DNAJC18: variants seen among roughly 807,000 people sequenced by gnomAD.
The protein encoded by DNAJC18 is dnaJ homolog subfamily C member 18.
A neutral mutation model predicts 48.6 loss-of-function variants in DNAJC18; 40 were observed. The observed-to-expected ratio is 0.82, with a 90% CI of 0.64 to 1.07. The LOEUF is 1.07. DNAJC18 is among the 50% of genes least tolerant of loss of function. The probability of loss-of-function intolerance (pLI) is 0.00; values close to 1 mark genes in which losing one functional copy is unlikely to be tolerated. For missense variants in DNAJC18, 340 were observed against 427.7 expected (o/e 0.79, Z 1.81); for synonymous variants, 135 against 152.2 (o/e 0.89, Z 0.83).
chr5:139,439,441 G>A lies in DNAJC18; in HGVS notation c.5C>T (p.Ala2Val), dbSNP rs748015960. 1 of 1,613,970 alleles carries A rather than the reference G, an allele frequency of 6.2e-7. No homozygotes were observed. Among genetic ancestry groups the A allele is most frequent in the South Asian group, 1.1e-5 (1 of 91,078 alleles). ...GCGCTCCCCGCTGCCCAGAGTCGCC[G>A]CCATATCGGTTCCCAATCAGCAGGT... MAATLGSGERWT... is the reference protein window; with the variant it reads MVATLGSGERWT... The change falls in exon 1 of 8, where the codon GCG becomes GTG. Residue 2 changes from alanine (A) to valine (V), a missense_variant. Coordinates refer to ENST00000302060, the MANE Select transcript of DNAJC18 (RefSeq NM_152686.4). This position sits in a 1 kb window ranked among gnomAD's most constrained non-coding sequence, Gnocchi z 4.1.
intron 2 of DNAJC18, among the ~76,000 whole-genome samples, chr5:139,430,815 C>T (rs1759319656): frequency 1.3e-5 from 2 of 152,182 alleles, no homozygotes; most frequent in South Asian, 4.1e-4. Context: ...AAGTGATCCA[C>T]CTGCCTTGGC....
chr5:139,438,942 A>T (rs555057639), intron 1 of DNAJC18, among the ~76,000 whole-genome samples: 1 of 152,302 alleles, frequency 6.6e-6, no homozygotes, highest in Admixed American at 6.5e-5. Flanking sequence ...GGCGGGGCAC[A>T]CAATAGGTAT....
rs914415737 is a variant in DNAJC18, at chr5:139,439,206, C to T, written c.40+200G>A. Among the ~76,000 whole-genome samples the T allele has an allele frequency of 2.0e-5, 3 of 151,922 alleles. No individual in the cohort carries two copies. Among genetic ancestry groups the T allele is most frequent in the African/African-American group, 4.8e-5 (2 of 41,364 alleles). Reference sequence around the variant, plus strand: ...GGGCTGGGGGCCGGAGGCAACAAGTCGTCACCGGTGACTCTGGGCTCGCGG... The same window carrying T: ...GGGCTGGGGGCCGGAGGCAACAAGTTGTCACCGGTGACTCTGGGCTCGCGG... On this transcript the variant is annotated intron_variant, in intron 1 of 7. Transcript: ENST00000302060. This position sits in a 1 kb window ranked among gnomAD's most constrained non-coding sequence, Gnocchi z 4.1.
At chr5:139,436,846 C>T (rs563028132) in intron 2 of DNAJC18, among the ~76,000 whole-genome samples, 4 of 152,024 alleles carry the variant, frequency 2.6e-5, no homozygotes, top group Admixed American at 6.6e-5. Flanking sequence ...CATTTTAGTA[C>T]GTCGTGTTTT....
At chr5:139,437,613 G>GCAACCTGC in intron 1 of DNAJC18, 55 bp from the exon 2 acceptor site, 2 of 1,554,280 alleles carry the variant, frequency 1.3e-6, no homozygotes, top group South Asian at 2.5e-5. Flanking sequence ...AATCAACTTT[G>GCAACCTGC]CAACCTGCCT....
intron 7 of DNAJC18, chr5:139,419,020 G>A (rs1759109922): frequency 2.4e-6 from 1 of 412,338 alleles, no homozygotes; most frequent in South Asian, 1.8e-5. Flanking sequence ...GGGAGTGTGT[G>A]ATGGTCAATG....
chr5:139,413,928 T>G lies in DNAJC18; in HGVS notation c.*220A>C, dbSNP rs770617304. 1.8e-5 allele frequency: 10 copies of G among 556,220 alleles called. No individual in the cohort carries two copies. Among genetic ancestry groups the G allele is most frequent in the Non-Finnish European group, 3.0e-5 (10 of 330,418 alleles). The allele number at this position is 556,220 out of a possible 1,614,324, so 34.5% of individuals were successfully genotyped here. ...TCCAATGCCTTGCCATTAATTTAAC[T>G]TAGATGAACTACTCCTGGTCCCTGG... On this transcript the variant is annotated 3_prime_UTR_variant, in exon 8 of 8. Coordinates refer to ENST00000302060, the MANE Select transcript of DNAJC18 (RefSeq NM_152686.4).
chr5:139,435,355 A>G (rs1049675801), intron 2 of DNAJC18, among the ~76,000 whole-genome samples: 14 of 152,070 alleles, frequency 9.2e-5, no homozygotes, highest in Admixed American at 6.6e-5. Context: ...TCCGTCTCAA[A>G]AAAAAAAGAG....
intron 1 of DNAJC18, 41 bp from the exon 2 acceptor site, chr5:139,437,599 T>A: frequency 1.3e-6 from 2 of 1,564,784 alleles, no homozygotes; most frequent in South Asian, 2.4e-5. Flanking sequence ...CATCTGACCC[T>A]GAAAATCAAC....
chr5:139,429,416 T>C (rs1319639912), intron 2 of DNAJC18, among the ~76,000 whole-genome samples: 1 of 152,104 alleles, frequency 6.6e-6, no homozygotes, highest in African/African-American at 2.4e-5. Context: ...ATACACATGA[T>C]AGAAGAAAAA....
chr5:139,423,813 A>G (rs1759193202), intron 5 of DNAJC18, among the ~76,000 whole-genome samples: 1 of 152,250 alleles, frequency 6.6e-6, no homozygotes, highest in East Asian at 1.9e-4. Flanking sequence ...GATAAGGGAT[A>G]CTCAATCTAT....
intron 2 of DNAJC18, among the ~76,000 whole-genome samples, chr5:139,430,728 C>G (rs889153534): frequency 6.6e-6 from 1 of 151,932 alleles, no homozygotes; most frequent in South Asian, 2.1e-4. Context: ...CATCACCACA[C>G]CCAGCTAGTT....
chr5:139,427,547 GTAA>G (rs1208550728), intron 3 of DNAJC18, among the ~76,000 whole-genome samples: 3 of 152,038 alleles, frequency 2.0e-5, no homozygotes, highest in African/African-American at 7.2e-5. Flanking sequence ...CATATGTATT[GTAA>G]TAATTATACA....
At position 139,439,180 on chromosome 5, in the gene DNAJC18, G is replaced by A. The variant is rs1750741009; in HGVS notation, c.40+226C>T. ...CCCTGGGCGGGGCACGGGCGGGGGC[G>A]GGGCTGGGGGCCGGAGGCAACAAGT... On this transcript the variant is annotated intron_variant, in intron 1 of 7. Transcript: ENST00000302060. The surrounding 1 kb of genome is among the most constrained non-coding windows in gnomAD (Gnocchi z 4.1). Among the ~76,000 whole-genome samples, 1 of 152,148 alleles carries A rather than the reference G, an allele frequency of 6.6e-6. No individual in the cohort carries two copies. Among genetic ancestry groups the A allele is most frequent in the Admixed American group, 6.5e-5 (1 of 15,282 alleles).
At position 139,439,130 on chromosome 5, in the gene DNAJC18, A is replaced by C. The variant is rs1238183272; in HGVS notation, c.40+276T>G. ...CCACGGGCCCTCCAGTCACCTTGGCATGGGCGGGGCCTGACAGCTGCGGGC... is the reference window on the plus strand; with the variant it reads ...CCACGGGCCCTCCAGTCACCTTGGCCTGGGCGGGGCCTGACAGCTGCGGGC... On this transcript the variant is annotated intron_variant, in intron 1 of 7. Coordinates refer to ENST00000302060, the MANE Select transcript of DNAJC18 (RefSeq NM_152686.4). This position sits in a 1 kb window ranked among gnomAD's most constrained non-coding sequence, Gnocchi z 4.1. Among the ~76,000 whole-genome samples, 4 of 142,366 alleles carry C rather than the reference A, an allele frequency of 2.8e-5. No individual in the cohort carries two copies. The highest frequency in any genetic ancestry group is 7.5e-5 in the African/African-American group (3 of 39,780). 93.4% of individuals were successfully genotyped at this position (142,366 alleles called of 152,430 possible). A position where few individuals can be genotyped will look rare whatever the true frequency, so the allele number is the denominator to read the frequency against.
At chr5:139,426,386 GAC>G in intron 3 of DNAJC18, 29 bp from the exon 4 acceptor site, 2 of 1,611,126 alleles carry the variant, frequency 1.2e-6, no homozygotes, top group Non-Finnish European at 8.5e-7. Context: ...AGCACATGAG[GAC>G]ACAGTCTTTG....
chr5:139,428,466 G>T, intron 3 of DNAJC18, 72 bp downstream of exon 3: 1 of 1,547,976 alleles, frequency 6.5e-7, no homozygotes, highest in South Asian at 1.3e-5. Flanking sequence ...AACAACTATG[G>T]GGAAGGCTAA....
At position 139,439,479 on chromosome 5, in the gene DNAJC18, C is replaced by G; in HGVS notation, c.-34G>C. 1.2e-6 allele frequency: 2 copies of G among 1,613,924 alleles called. No individual in the cohort carries two copies. Among genetic ancestry groups the G allele is most frequent in the Non-Finnish European group, 1.7e-6 (2 of 1,179,994 alleles). Reference sequence around the variant, plus strand: ...CCAATCAGCAGGTCCGCCGAGCCTCCCCCGTGCCCGAGGCTGAAAGAGAAG... The same window carrying G: ...CCAATCAGCAGGTCCGCCGAGCCTCGCCCGTGCCCGAGGCTGAAAGAGAAG... On this transcript the variant is annotated 5_prime_UTR_variant, in exon 1 of 8. Coordinates refer to ENST00000302060, the MANE Select transcript of DNAJC18 (RefSeq NM_152686.4). The surrounding 1 kb of genome is among the most constrained non-coding windows in gnomAD (Gnocchi z 4.1).
At chr5:139,425,857 A>G (rs761588413) in intron 4 of DNAJC18, among the ~76,000 whole-genome samples, 4 of 152,214 alleles carry the variant, frequency 2.6e-5, no homozygotes, top group African/African-American at 7.2e-5. Flanking sequence ...TATTTTACAC[A>G]ACAATAATAG....
Sources: gnomAD v4.1 joint callset for allele counts (sites outside exome capture counted in the v4.1 genomes callset) on GRCh38, gnomAD v4.1.1 for gene constraint, Gnocchi (gnomAD v3.1) non-coding constraint, MANE v1.5 for transcripts, NCBI Gene and HGNC (gene_info 2026-07-23, HGNC 2026-07-21) for gene names.